Variants in KCNQ3 observed in about 807,000 individuals in gnomAD.
The protein encoded by KCNQ3 is potassium voltage-gated channel subfamily Q member 3.
Under a neutral mutation model 92.5 loss-of-function variants are expected in KCNQ3, and 30 were observed. That is an observed-to-expected ratio of 0.32 (90% CI 0.24 to 0.44). The LOEUF is 0.44. Among genes scored for constraint, KCNQ3 ranks in the 20% least tolerant of loss-of-function variants. KCNQ3 has a pLI of 1.00. For synonymous variants in KCNQ3, 450 were observed against 468.8 expected, an observed-to-expected ratio of 0.96 and a Z score of 0.52; for missense variants, 913 against 1,140.3, an observed-to-expected ratio of 0.80 and a Z score of 2.87.
chr8:132,239,365 G>T (rs538931345), intron 1 of KCNQ3, among the ~76,000 whole-genome samples: 1 of 152,352 alleles, frequency 6.6e-6, no homozygotes, highest in African/African-American at 2.4e-5. Flanking sequence ...CTGAGTGAGA[G>T]ATTGAGGAAA....
intron 13 of KCNQ3, among the ~76,000 whole-genome samples, chr8:132,133,397 C>T (rs1256454654): frequency 3.5e-5 from 4 of 114,062 alleles, no homozygotes; most frequent in Non-Finnish European, 3.4e-5. Context: ...CACTCTTTTG[C>T]CAGGCTGGAA....
intron 1 of KCNQ3, among the ~76,000 whole-genome samples, chr8:132,330,372 T>C (rs774698885): frequency 6.6e-6 from 1 of 152,196 alleles, no homozygotes; most frequent in Admixed American, 6.5e-5. Context: ...GAATGAATAA[T>C]GCCTGCACCA....
chr8:132,150,154 AT>A (rs1356310228), intron 9 of KCNQ3, among the ~76,000 whole-genome samples: 1 of 151,942 alleles, frequency 6.6e-6, no homozygotes, highest in Non-Finnish European at 1.5e-5. Context: ...AGAGTTTTAA[AT>A]GTGAGAAAGT....
At chr8:132,365,232 T>C (rs914743746) in intron 1 of KCNQ3, among the ~76,000 whole-genome samples, 3 of 152,272 alleles carry the variant, frequency 2.0e-5, no homozygotes, top group Non-Finnish European at 4.4e-5. Context: ...ACCTACTTTA[T>C]GCTGGGCTCT....
intron 1 of KCNQ3, among the ~76,000 whole-genome samples, chr8:132,303,740 CAT>C (rs1162510421): frequency 4.2e-5 from 6 of 142,758 alleles, no homozygotes; most frequent in African/African-American, 1.0e-4. Flanking sequence ...ACATGCCACA[CAT>C]ATGTGTATAT....
intron 1 of KCNQ3, among the ~76,000 whole-genome samples, chr8:132,276,484 T>C (rs1380450210): frequency 6.6e-6 from 1 of 152,170 alleles, no homozygotes; most frequent in Admixed American, 6.5e-5. Context: ...TCTGAGACTT[T>C]CTGCTTAGAC....
At chr8:132,330,469 G>A (rs1227497355) in intron 1 of KCNQ3, among the ~76,000 whole-genome samples, 1 of 152,036 alleles carries the variant, frequency 6.6e-6, no homozygotes, top group African/African-American at 2.4e-5. Context: ...TCCCACTATG[G>A]GGCTCTCAGG....
chr8:132,183,099 G>A (rs530114895), intron 3 of KCNQ3, among the ~76,000 whole-genome samples: 144 of 152,276 alleles, frequency 9.5e-4, no homozygotes, highest in African/African-American at 3.4e-3. Context: ...TCTCTGAGCT[G>A]GCTGTCCATC....
intron 1 of KCNQ3, among the ~76,000 whole-genome samples, chr8:132,399,608 T>C (rs1019695434): frequency 6.6e-6 from 1 of 152,166 alleles, no homozygotes; most frequent in Admixed American, 6.5e-5. Context: ...TCCTCCTGGA[T>C]TGGAAGAACT....
At chr8:132,152,964 C>T (rs1825684052) in intron 9 of KCNQ3, among the ~76,000 whole-genome samples, 1 of 152,178 alleles carries the variant, frequency 6.6e-6, no homozygotes, top group African/African-American at 2.4e-5. Context: ...CAACTCTATC[C>T]CATCATGATT....
intron 1 of KCNQ3, among the ~76,000 whole-genome samples, chr8:132,320,821 T>A (rs1303054892): frequency 6.6e-6 from 1 of 152,212 alleles, no homozygotes; most frequent in Non-Finnish European, 1.5e-5. Flanking sequence ...TGCCTGATCA[T>A]GTTTGCCACT....
chr8:132,310,352 T>G (rs1817557093), intron 1 of KCNQ3, among the ~76,000 whole-genome samples: 1 of 152,182 alleles, frequency 6.6e-6, no homozygotes, highest in African/African-American at 2.4e-5. Flanking sequence ...CCATTGCAGG[T>G]TTCTCTCTCT....
intron 1 of KCNQ3, chr8:132,278,143 AT>A (rs1261378339): frequency 8.1e-6 from 8 of 985,232 alleles, no homozygotes; most frequent in African/African-American, 1.7e-5. Flanking sequence ...GAGAATCCCC[AT>A]TTTGTACTCT....
intron 1 of KCNQ3, among the ~76,000 whole-genome samples, chr8:132,392,790 C>CAA (rs56183412): frequency 0.037 from 2,660 of 72,510 alleles, 290 homozygotes; most frequent in African/African-American, 0.16. Context: ...GAACCTGTCT[C>CAA]AAAAAAAAAA....
rs976973523 is a variant in KCNQ3 at position 132,477,380 on chromosome 8, G to T, written c.386+2767C>A. On this transcript the variant is annotated intron_variant, in intron 1 of 14. Coordinates refer to ENST00000388996, the MANE Select transcript of KCNQ3 (RefSeq NM_004519.4). ...AAAAAAAAAAAGCATCCACTAGATT[G>T]TAGGCCTATGGTAAGCCCAATTTCC... 1.6e-4 allele frequency among the ~76,000 whole-genome samples: 24 copies of T among 147,808 alleles called. No individual in the cohort carries two copies. In the East Asian group the frequency reaches 4.7e-3, roughly 29 times the overall value.
At chr8:132,322,987 G>C (rs996405870) in intron 1 of KCNQ3, among the ~76,000 whole-genome samples, 4 of 152,180 alleles carry the variant, frequency 2.6e-5, no homozygotes, top group Admixed American at 2.6e-4. Flanking sequence ...CTTTGTTTCA[G>C]AGAGCAGTGC....
chr8:132,382,744 G>C (rs571905396), intron 1 of KCNQ3, among the ~76,000 whole-genome samples: 1 of 152,272 alleles, frequency 6.6e-6, no homozygotes, highest in South Asian at 2.1e-4. Context: ...TTGTGAATTG[G>C]GGAAGGGAAT....
intron 1 of KCNQ3, among the ~76,000 whole-genome samples, chr8:132,259,493 C>A (rs1016238612): frequency 6.6e-6 from 1 of 152,010 alleles, no homozygotes. Context: ...TAGAAGGAAA[C>A]GTCTTCAATC....
chr8:132,265,432 C>T (rs912611987), intron 1 of KCNQ3, among the ~76,000 whole-genome samples: 3 of 152,286 alleles, frequency 2.0e-5, no homozygotes, highest in Non-Finnish European at 2.9e-5. Flanking sequence ...CACACTAAAC[C>T]GCAAGGGAAG....
Sources: allele counts gnomAD v4.1 joint callset (sites outside exome capture counted in the v4.1 genomes callset), GRCh38; gene constraint gnomAD v4.1.1; transcripts MANE v1.5; gene names NCBI Gene and HGNC (gene_info 2026-07-23, HGNC 2026-07-21).